The following CNTN5 variants were observed in gnomAD, a reference collection of about 807,000 sequenced individuals.
CNTN5 encodes contactin 5, also known as contactin-5.
In CNTN5, 77 loss-of-function variants were observed where a neutral mutation model predicts 129.1. The ratio of observed to expected loss-of-function variants is 0.60; its 90% CI spans 0.50 to 0.72. The LOEUF is 0.72. Among genes scored for constraint, CNTN5 ranks in the 30% least tolerant of loss-of-function variants. The pLI is 0.00. For synonymous variants in CNTN5, 509 were observed against 465.6 expected (o/e 1.09, Z -1.20); for missense variants, 1,478 against 1,328.8 (o/e 1.11, Z -1.75).
At chr11:100,310,905 G>T (rs1433783551) in intron 21 of CNTN5, among the ~76,000 whole-genome samples, 1 of 151,910 alleles carries the variant, frequency 6.6e-6, no homozygotes. Flanking sequence ...AGTGGGAGCA[G>T]GATGATGATG....
intron 3 of CNTN5, among the ~76,000 whole-genome samples, chr11:99,806,814 T>C: frequency 1.4e-5 from 1 of 73,560 alleles, no homozygotes; most frequent in African/African-American, 6.6e-5. Context: ...CCCCACCCCC[T>C]GCAAAAAAAA....
intron 2 of CNTN5, among the ~76,000 whole-genome samples, chr11:99,550,780 C>G (rs1398084168): frequency 1.3e-5 from 2 of 152,082 alleles, no homozygotes; most frequent in Non-Finnish European, 2.9e-5. Context: ...AGGCTAATCT[C>G]TAGTTTATTC....
intron 9 of CNTN5, among the ~76,000 whole-genome samples, chr11:100,013,749 A>G (rs962666221): frequency 2.0e-5 from 3 of 152,218 alleles, no homozygotes; most frequent in Non-Finnish European, 2.9e-5. Context: ...CCTAACAGTT[A>G]TCTCTTCTAA....
At chr11:100,154,158 A>G (rs576234522) in intron 13 of CNTN5, among the ~76,000 whole-genome samples, 1 of 151,940 alleles carries the variant, frequency 6.6e-6, no homozygotes. Context: ...CTTTGTGTCC[A>G]TGTGTTCTCA....
chr11:99,141,796 G>A (rs1859528835), intron 1 of CNTN5, among the ~76,000 whole-genome samples: 1 of 152,066 alleles, frequency 6.6e-6, no homozygotes, highest in Non-Finnish European at 1.5e-5. Flanking sequence ...CCATGTAATT[G>A]AATGGTTTTG....
intron 3 of CNTN5, among the ~76,000 whole-genome samples, chr11:99,640,944 C>G (rs537977685): frequency 1.7e-4 from 26 of 152,274 alleles, no homozygotes; most frequent in Non-Finnish European, 2.9e-4. Flanking sequence ...CCTTGATGTT[C>G]CTGTAATTGT....
intron 13 of CNTN5, among the ~76,000 whole-genome samples, chr11:100,185,970 G>A (rs572156328): frequency 1.1e-3 from 162 of 152,240 alleles, no homozygotes; most frequent in Non-Finnish European, 1.8e-3. Context: ...AAATAATATC[G>A]CAATGGGTAA....
intron 2 of CNTN5, among the ~76,000 whole-genome samples, chr11:99,533,021 G>A (rs565138078): frequency 2.2e-4 from 34 of 152,218 alleles, no homozygotes; most frequent in African/African-American, 7.5e-4. Flanking sequence ...CCAGGAGTTC[G>A]AGACCAGCCT....
intron 8 of CNTN5, 44 bp downstream of exon 8, chr11:99,957,053 G>C: frequency 6.5e-7 from 1 of 1,533,470 alleles, no homozygotes; most frequent in South Asian, 1.2e-5. Context: ...ACTCTAATTT[G>C]GAAAATAAAG....
At chr11:100,057,033 G>A (rs1225635897) in intron 9 of CNTN5, among the ~76,000 whole-genome samples, 1 of 151,440 alleles carries the variant, frequency 6.6e-6, no homozygotes, top group African/African-American at 2.4e-5. Context: ...GTTCCTGAAA[G>A]TAGAAAGTGT....
chr11:100,164,124 C>T (rs1447321947), intron 13 of CNTN5, among the ~76,000 whole-genome samples: 1 of 151,704 alleles, frequency 6.6e-6, no homozygotes, highest in East Asian at 1.9e-4. Flanking sequence ...ATTCATAGAT[C>T]CTTATTGAAT....
At chr11:99,852,212 A>C (rs1947895238) in intron 6 of CNTN5, among the ~76,000 whole-genome samples, 1 of 152,240 alleles carries the variant, frequency 6.6e-6, no homozygotes, top group South Asian at 2.1e-4. Context: ...TGTTTCTTTA[A>C]AAGTATAATT....
At chr11:99,646,585 A>G (rs1951971096) in intron 3 of CNTN5, among the ~76,000 whole-genome samples, 1 of 152,170 alleles carries the variant, frequency 6.6e-6, no homozygotes, top group Non-Finnish European at 1.5e-5. Context: ...TTTAGAACAT[A>G]AAGTTGGCAT....
intron 9 of CNTN5, among the ~76,000 whole-genome samples, chr11:100,039,044 A>G (rs1942214402): frequency 6.6e-6 from 1 of 152,088 alleles, no homozygotes; most frequent in Non-Finnish European, 1.5e-5. Flanking sequence ...TCATTAGTTG[A>G]TGCAGTTTCT....
intron 2 of CNTN5, among the ~76,000 whole-genome samples, chr11:99,502,345 G>T (rs944961735): frequency 2.6e-5 from 4 of 152,028 alleles, no homozygotes; most frequent in African/African-American, 7.3e-5. Context: ...CCAAATCTCA[G>T]CTTGGATTGT....
At chr11:99,788,559 G>A (rs1167738871) in intron 3 of CNTN5, among the ~76,000 whole-genome samples, 1 of 151,814 alleles carries the variant, frequency 6.6e-6, no homozygotes, top group Admixed American at 6.6e-5. Context: ...AGCAATACTT[G>A]TTCAGTACTG....
intron 3 of CNTN5, among the ~76,000 whole-genome samples, chr11:99,811,655 T>C (rs572372961): frequency 6.6e-6 from 1 of 151,908 alleles, no homozygotes; most frequent in Non-Finnish European, 1.5e-5. Context: ...TATTAAATAA[T>C]GCAAGTTCAG....
chr11:99,519,236 C>T (rs78162220), intron 2 of CNTN5, among the ~76,000 whole-genome samples: 7,061 of 152,090 alleles, frequency 0.046, 223 homozygotes, highest in South Asian at 0.073. Flanking sequence ...CTCACCCTTA[C>T]GTTCTCAGCT....
chr11:99,744,194 CA>C (rs1943972698), intron 3 of CNTN5, among the ~76,000 whole-genome samples: 2 of 152,008 alleles, frequency 1.3e-5, no homozygotes, highest in African/African-American at 4.8e-5. Flanking sequence ...GTAAACAAAG[CA>C]ACCAATTTTC....
Sources: allele counts gnomAD v4.1 joint callset (sites outside exome capture counted in the v4.1 genomes callset), GRCh38; gene constraint gnomAD v4.1.1; transcripts MANE v1.5; gene names NCBI Gene and HGNC (gene_info 2026-07-23, HGNC 2026-07-21).